Variants in FMN1 observed in about 807,000 individuals in gnomAD.
The protein encoded by FMN1 is formin 1, also known as formin-1.
In FMN1, 110 loss-of-function variants were observed where a neutral mutation model predicts 132.4. That is an observed-to-expected ratio of 0.83 (90% CI 0.71 to 0.97). The LOEUF (loss-of-function observed/expected upper bound fraction) is 0.97, where lower values mean the gene tolerates loss of function less well. FMN1 is among the 50% of genes least tolerant of loss of function. The pLI, the probability that FMN1 is intolerant of heterozygous loss-of-function variation, is 0.00. For synonymous variants in FMN1, 722 were observed against 651.7 expected, an observed-to-expected ratio of 1.11 and a Z score of -1.64; for missense variants, 1,792 against 1,705.3, an observed-to-expected ratio of 1.05 and a Z score of -0.90.
chr15:32,775,459 G>C (rs1196475473), intron 20 of FMN1, among the ~76,000 whole-genome samples: 1 of 152,148 alleles, frequency 6.6e-6, no homozygotes, highest in Non-Finnish European at 1.5e-5. Context: ...GAACAAGCTT[G>C]GCTGTAAAAG....
chr15:33,113,020 A>G (rs1346453939), intron 4 of FMN1, among the ~76,000 whole-genome samples: 1 of 152,188 alleles, frequency 6.6e-6, no homozygotes, highest in Non-Finnish European at 1.5e-5. Flanking sequence ...TTTTCTTCAC[A>G]ATGCCTCAGT....
In FMN1 at chr15:33,147,165, C is replaced by CAAA. The variant is rs869166176; in HGVS notation, c.1867+5880_1867+5882dup. Among the ~76,000 whole-genome samples the CAAA allele has an allele frequency of 4.7e-3, 323 of 69,218 alleles. 2 individuals carry two copies. The highest frequency in any genetic ancestry group is 0.014 in the African/African-American group (312 of 22,462). The allele number at this position is 69,218 out of a possible 152,430, so 45.4% of individuals were successfully genotyped here. On this transcript the variant is annotated intron_variant, in intron 4 of 20. Coordinates refer to ENST00000616417, the MANE Select transcript of FMN1 (RefSeq NM_001277313.2). ...GGGAAACAAGAGCGAGACTCCGTCT[C>CAAA]AAAAAAAAAAAAAAAAAGAAATAAA...
At chr15:33,069,655 A>G (rs1287257659) in intron 5 of FMN1, among the ~76,000 whole-genome samples, 1 of 152,144 alleles carries the variant, frequency 6.6e-6, no homozygotes, top group Non-Finnish European at 1.5e-5. Context: ...ATTTCTAGCA[A>G]TGTATTCAAA....
At chr15:32,800,533 T>C (rs17816387) in intron 18 of FMN1, among the ~76,000 whole-genome samples, 29,943 of 152,260 alleles carry the variant, frequency 0.2, 3,834 homozygotes, top group Admixed American at 0.28. Context: ...ATTTTGACTA[T>C]AGCATGGGAA....
chr15:32,884,368 G>A (rs576418137), intron 16 of FMN1, among the ~76,000 whole-genome samples: 3 of 152,032 alleles, frequency 2.0e-5, no homozygotes, highest in Non-Finnish European at 4.4e-5. Flanking sequence ...CAAAGCCAGC[G>A]ACATTACATC....
At chr15:32,838,281 G>GA (rs530924041) in intron 17 of FMN1, among the ~76,000 whole-genome samples, 2 of 149,788 alleles carry the variant, frequency 1.3e-5, no homozygotes, top group South Asian at 2.1e-4. Context: ...AGGGGAGAAA[G>GA]AAAAAAAATC....
At chr15:32,846,891 G>A (rs2058869791) in intron 17 of FMN1, among the ~76,000 whole-genome samples, 1 of 152,184 alleles carries the variant, frequency 6.6e-6, no homozygotes, top group Non-Finnish European at 1.5e-5. Context: ...AAAAAAGGAT[G>A]AGTTCATGTC....
intron 17 of FMN1, among the ~76,000 whole-genome samples, chr15:32,826,220 C>T (rs1455154938): frequency 6.6e-6 from 1 of 152,224 alleles, no homozygotes; most frequent in Non-Finnish European, 1.5e-5. Flanking sequence ...ATGGCTGCTT[C>T]TTTCACAAGG....
At position 33,188,280 on chromosome 15, in the gene FMN1, C is replaced by T. The variant is rs529172746; in HGVS notation, c.-197+5629G>A. On this transcript the variant is annotated intron_variant, in intron 2 of 20. Transcript: ENST00000616417. ...GCTTGAACCCAGGAGGCAGAGGTTG[C>T]GTTGAGCCAAGATCATGCTGCTGCA... is the stretch of plus-strand genomic sequence containing the variant. Among the ~76,000 whole-genome samples, 14 of 152,172 alleles carry T rather than the reference C, an allele frequency of 9.2e-5. No individual in the cohort carries two copies. The East Asian group carries it at 1.5e-3, about 17-fold the overall frequency.
intron 16 of FMN1, among the ~76,000 whole-genome samples, chr15:32,874,436 C>G (rs1435608300): frequency 1.3e-5 from 2 of 152,098 alleles, no homozygotes; most frequent in African/African-American, 4.8e-5. Flanking sequence ...GTTTGTAATT[C>G]CAAGGTATAT....
chr15:33,151,193 G>A, intron 4 of FMN1: 1 of 1,519,400 alleles, frequency 6.6e-7, no homozygotes, highest in South Asian at 1.2e-5. Context: ...CCAATAGGAG[G>A]TAATGGCTGG....
intron 10 of FMN1, among the ~76,000 whole-genome samples, chr15:32,922,580 G>A (rs375420558): frequency 4.3e-4 from 66 of 152,304 alleles, no homozygotes; most frequent in African/African-American, 1.5e-3. Flanking sequence ...TACAAAAGAA[G>A]AAGAGAAGAT....
intron 6 of FMN1, among the ~76,000 whole-genome samples, chr15:33,049,340 G>C (rs919408253): frequency 1.3e-5 from 2 of 152,146 alleles, no homozygotes; most frequent in Non-Finnish European, 2.9e-5. Context: ...ATCAAACTGA[G>C]ACTTTAAGGA....
intron 16 of FMN1, among the ~76,000 whole-genome samples, chr15:32,871,316 C>T (rs1346308167): frequency 6.6e-6 from 1 of 152,178 alleles, no homozygotes; most frequent in African/African-American, 2.4e-5. Flanking sequence ...CGGTATCGCG[C>T]TCCTTGCCCC....
chr15:33,090,207 CAG>C (rs1287992152), intron 4 of FMN1, among the ~76,000 whole-genome samples: 4 of 152,170 alleles, frequency 2.6e-5, no homozygotes, highest in Non-Finnish European at 5.9e-5. Context: ...GAATATACGA[CAG>C]AGTGTTTATT....
Position 32,958,582 on chromosome 15 carries a change from A to ATACATACG in FMN1, c.3138+5524_3138+5525insCGTATGTA, listed in dbSNP as rs1555504818. ...CATACATACATACATACATACATACATACATACATGCTTAAACAAGTGCCA... is the reference window on the plus strand; with the variant it reads ...CATACATACATACATACATACATACATACATACGTACATACATGCTTAAACAAGTGCCA... On this transcript the variant is annotated intron_variant, in intron 9 of 20. Transcript: ENST00000616417. Among the ~76,000 whole-genome samples the ATACATACG allele has an allele frequency of 3.9e-3, 586 of 152,134 alleles. 6 individuals are homozygous for ATACATACG. Among genetic ancestry groups the ATACATACG allele is most frequent in the African/African-American group, 0.014 (569 of 41,492 alleles).
intron 17 of FMN1, among the ~76,000 whole-genome samples, chr15:32,823,116 A>G (rs1222403426): frequency 7.3e-6 from 1 of 137,474 alleles, no homozygotes; most frequent in Non-Finnish European, 1.5e-5. Context: ...ACGAGCCCCC[A>G]TTCATGGTCT....
intron 6 of FMN1, among the ~76,000 whole-genome samples, chr15:33,028,188 G>C (rs181791175): frequency 2.8e-3 from 419 of 152,314 alleles, no homozygotes; most frequent in Middle Eastern, 0.01. Context: ...TTAGGAGCTG[G>C]AATTTTTAAA....
At chr15:32,926,094 G>T in intron 10 of FMN1, 80 bp downstream of exon 10, 1 of 771,110 alleles carries the variant, frequency 1.3e-6, no homozygotes, top group Non-Finnish European at 2.1e-6. Context: ...TTCTAACTTT[G>T]TATGTGTTTG....
Sources: gnomAD v4.1 joint callset for allele counts (sites outside exome capture counted in the v4.1 genomes callset) on GRCh38, gnomAD v4.1.1 for gene constraint, MANE v1.5 for transcripts, NCBI Gene and HGNC (gene_info 2026-07-23, HGNC 2026-07-21) for gene names.